Variants in NEGR1 observed in about 807,000 individuals in gnomAD.
The protein encoded by NEGR1 is neuronal growth regulator 1, also known as IgLON family member 4.
NEGR1 carries 10 observed loss-of-function variants against 40.9 expected under a neutral mutation model. The ratio of observed to expected loss-of-function variants is 0.24; its 90% CI spans 0.15 to 0.42. The LOEUF is 0.42. NEGR1 is among the 10% of genes least tolerant of loss of function. NEGR1 has a pLI of 1.00. For synonymous variants in NEGR1, 185 were observed against 166.8 expected (o/e 1.11, Z -0.84); for missense variants, 352 against 438.9 (o/e 0.80, Z 1.77).
intron 2 of NEGR1, among the ~76,000 whole-genome samples, chr1:71,858,451 G>T (rs998202945): frequency 6.6e-6 from 1 of 151,982 alleles, no homozygotes; most frequent in African/African-American, 2.4e-5. Flanking sequence ...GGGTTTTAAT[G>T]GGAAATAATT....
chr1:71,412,559 G>C lies in NEGR1; in HGVS notation c.941-4989C>G, dbSNP rs1483237831. ...TGTTCAATTGATGTTTACTGGATTG[G>C]ATGTGAAATAATATTCCTAAATATG... On this transcript the variant is annotated intron_variant, in intron 6 of 6. Transcript: ENST00000357731. Among the ~76,000 whole-genome samples, 4 of 152,246 alleles carry C rather than the reference G, an allele frequency of 2.6e-5. No homozygotes were observed. The East Asian group carries it at 7.7e-4, about 29-fold the overall frequency.
chr1:72,246,044 G>A (rs1383487853), intron 1 of NEGR1, among the ~76,000 whole-genome samples: 1 of 151,808 alleles, frequency 6.6e-6, no homozygotes, highest in Non-Finnish European at 1.5e-5. Flanking sequence ...AATTTTTTGA[G>A]TTCCATTGTT....
At chr1:72,168,160 T>A (rs1478911116) in intron 1 of NEGR1, among the ~76,000 whole-genome samples, 2 of 151,950 alleles carry the variant, frequency 1.3e-5, no homozygotes, top group Non-Finnish European at 2.9e-5. Flanking sequence ...ACTACAGGCA[T>A]GTGCTGCCAC....
At chr1:71,769,905 T>C (rs1227976915) in intron 3 of NEGR1, among the ~76,000 whole-genome samples, 1 of 152,228 alleles carries the variant, frequency 6.6e-6, no homozygotes, top group Admixed American at 6.5e-5. Context: ...ATAACAATTC[T>C]GTGAATTGGG....
chr1:71,939,878 C>A (rs1338241700), intron 1 of NEGR1, among the ~76,000 whole-genome samples: 1 of 152,160 alleles, frequency 6.6e-6, no homozygotes, highest in African/African-American at 2.4e-5. Flanking sequence ...CCTCACATAA[C>A]CCTATGAGCC....
chr1:71,812,781 A>T (rs1184187281), intron 2 of NEGR1, among the ~76,000 whole-genome samples: 2 of 152,078 alleles, frequency 1.3e-5, no homozygotes, highest in East Asian at 3.9e-4. Flanking sequence ...AATTTGTTTA[A>T]AGTCCTTGTA....
chr1:71,978,449 A>G (rs1210431047), intron 1 of NEGR1, among the ~76,000 whole-genome samples: 1 of 152,160 alleles, frequency 6.6e-6, no homozygotes, highest in Non-Finnish European at 1.5e-5. Flanking sequence ...CACACTAGAA[A>G]GATCATTGAA....
At chr1:71,789,455 A>G (rs1428840439) in intron 2 of NEGR1, among the ~76,000 whole-genome samples, 1 of 152,088 alleles carries the variant, frequency 6.6e-6, no homozygotes, top group Non-Finnish European at 1.5e-5. Flanking sequence ...ATTCTCCTTC[A>G]TATTAATTAC....
At chr1:72,055,637 T>C (rs1477880468) in intron 1 of NEGR1, among the ~76,000 whole-genome samples, 1 of 150,874 alleles carries the variant, frequency 6.6e-6, no homozygotes, top group Admixed American at 6.6e-5. Flanking sequence ...GCTATCCTAT[T>C]CACAAATACA....
At chr1:71,743,483 A>T (rs566112269) in intron 3 of NEGR1, among the ~76,000 whole-genome samples, 25 of 152,220 alleles carry the variant, frequency 1.6e-4, no homozygotes, top group Admixed American at 7.2e-4. Flanking sequence ...CTCTTTGTTA[A>T]TAAAGAATTT....
chr1:71,522,009 G>C (rs1647160513), intron 6 of NEGR1, among the ~76,000 whole-genome samples: 2 of 151,888 alleles, frequency 1.3e-5, no homozygotes, highest in Admixed American at 6.6e-5. Flanking sequence ...AATAAAATGA[G>C]TAATGAACTG....
At chr1:71,714,580 A>G (rs1460214773) in intron 3 of NEGR1, among the ~76,000 whole-genome samples, 1 of 152,208 alleles carries the variant, frequency 6.6e-6, no homozygotes, top group Non-Finnish European at 1.5e-5. Flanking sequence ...GGGTAAATAC[A>G]CCATGGCAAA....
chr1:71,907,797 AC>A lies in NEGR1; in HGVS notation c.409+27281del, dbSNP rs943933331. 8.2e-4 allele frequency among the ~76,000 whole-genome samples: 125 copies of A among 152,154 alleles called. 1 individual carries two copies. Among genetic ancestry groups the A allele is most frequent in the African/African-American group, 3.0e-3 (123 of 41,536 alleles). On this transcript the variant is annotated intron_variant, in intron 2 of 6. Transcript: ENST00000357731. Reference sequence around the variant, plus strand: ...TGCATAAAGAAAATAGGGTACATACACCCCCCATGGAATACTATGCAGCCAT... The same window carrying A: ...TGCATAAAGAAAATAGGGTACATACACCCCCATGGAATACTATGCAGCCAT...
intron 1 of NEGR1, among the ~76,000 whole-genome samples, chr1:72,216,754 A>G (rs945539433): frequency 6.6e-6 from 1 of 151,394 alleles, no homozygotes; most frequent in Non-Finnish European, 1.5e-5. Flanking sequence ...TGAGAGGGTT[A>G]AATGAAAGGT....
chr1:71,572,037 A>G lies in NEGR1; in HGVS notation c.940+20780T>C, dbSNP rs141955978. Among the ~76,000 whole-genome samples the G allele has an allele frequency of 1.4e-3, 218 of 152,168 alleles. 3 individuals carry two copies. In the East Asian group the frequency reaches 0.025, roughly 18 times the overall value. ...ATTTAGGCCATATTTTGGAGCTTTA[A>G]TTTTTCAAATTAGCTCTGAGTATTA... is the stretch of plus-strand genomic sequence containing the variant. On this transcript the variant is annotated intron_variant, in intron 6 of 6. Transcript: ENST00000357731.
At chr1:71,682,674 A>G (rs944073801) in intron 4 of NEGR1, among the ~76,000 whole-genome samples, 13 of 152,162 alleles carry the variant, frequency 8.5e-5, no homozygotes, top group African/African-American at 3.1e-4. Context: ...TATAGTTTCA[A>G]TGTTTGTCCC....
Position 71,457,570 on chromosome 1 carries a change from G to GT in NEGR1, c.941-50001dup, listed in dbSNP as rs532879719. Among the ~76,000 whole-genome samples, 747 of 152,238 alleles carry GT rather than the reference G, an allele frequency of 4.9e-3. 7 individuals are homozygous for GT. The highest frequency in any genetic ancestry group is 0.017 in the African/African-American group (695 of 41,540). On this transcript the variant is annotated intron_variant, in intron 6 of 6. Coordinates refer to ENST00000357731, the MANE Select transcript of NEGR1 (RefSeq NM_173808.3). ...TCTTATACAGATTACTGTTTAGCAA[G>GT]TTTTTTATTGCGAATTCAGCGAGGA...
At chr1:72,147,014 G>T (rs1197278587) in intron 1 of NEGR1, among the ~76,000 whole-genome samples, 1 of 152,082 alleles carries the variant, frequency 6.6e-6, no homozygotes, top group Non-Finnish European at 1.5e-5. Context: ...ATGAATTTTG[G>T]TTGTGTCTGA....
chr1:71,739,550 T>G (rs968837243), intron 3 of NEGR1, among the ~76,000 whole-genome samples: 3 of 152,036 alleles, frequency 2.0e-5, no homozygotes, highest in African/African-American at 7.2e-5. Context: ...CTTAAATCAT[T>G]CTTACTCTTT....
Sources: allele counts gnomAD v4.1 joint callset (sites outside exome capture counted in the v4.1 genomes callset), GRCh38; gene constraint gnomAD v4.1.1; transcripts MANE v1.5; gene names NCBI Gene and HGNC (gene_info 2026-07-23, HGNC 2026-07-21).